The following CUBN variants were observed in gnomAD, a reference collection of about 807,000 sequenced individuals.
CUBN encodes 460 kDa receptor.
Under a neutral mutation model 405.3 loss-of-function variants are expected in CUBN, and 282 were observed. The observed-to-expected ratio is 0.70, with a 90% CI of 0.63 to 0.77. The LOEUF (loss-of-function observed/expected upper bound fraction) is 0.77. Among genes scored for constraint, CUBN ranks in the 30% least tolerant of loss-of-function variants. The pLI is 0.00. For missense variants in CUBN, 4,514 were observed against 4,475.2 expected (o/e 1.01, Z -0.25); for synonymous variants, 1,684 against 1,617.0 (o/e 1.04, Z -0.99).
intron 14 of CUBN, among the ~76,000 whole-genome samples, chr10:17,096,405 T>C (rs904527926): frequency 6.6e-6 from 1 of 152,078 alleles, no homozygotes; most frequent in Non-Finnish European, 1.5e-5. Context: ...ACATCTTAAA[T>C]ATATATAACT....
At chr10:16,937,439 G>A (rs1436858245) in intron 39 of CUBN, among the ~76,000 whole-genome samples, 153 bp downstream of exon 39, 3 of 152,172 alleles carry the variant, frequency 2.0e-5, no homozygotes, top group African/African-American at 7.2e-5. Context: ...AAAAGGTAGT[G>A]TTTATGAATT....
intron 28 of CUBN, among the ~76,000 whole-genome samples, chr10:17,001,728 T>C (rs12242966): frequency 0.016 from 2,427 of 152,308 alleles, 61 homozygotes; most frequent in African/African-American, 0.055. Flanking sequence ...CATGGCAAGA[T>C]AGTTTATTTT....
chr10:17,044,147 T>C (rs559758631), intron 25 of CUBN, among the ~76,000 whole-genome samples, 164 bp from the exon 26 acceptor site: 10 of 146,890 alleles, frequency 6.8e-5, no homozygotes, highest in African/African-American at 2.5e-4. Context: ...ATATTCATTA[T>C]ATATAATATA....
chr10:16,973,287 C>T (rs1040035343), intron 31 of CUBN, among the ~76,000 whole-genome samples: 1 of 152,168 alleles, frequency 6.6e-6, no homozygotes, highest in Non-Finnish European at 1.5e-5. Flanking sequence ...ACTTAAATGT[C>T]GCCTCCAGTG....
chr10:16,908,754 G>C (rs1336961381), intron 48 of CUBN, among the ~76,000 whole-genome samples: 1 of 152,018 alleles, frequency 6.6e-6, no homozygotes, highest in East Asian at 1.9e-4. Flanking sequence ...TGATTGAATG[G>C]TTGATATTCC....
chr10:17,071,357 A>T, intron 19 of CUBN, 69 bp downstream of exon 19: 1 of 1,491,552 alleles, frequency 6.7e-7, no homozygotes, highest in Non-Finnish European at 9.2e-7. Flanking sequence ...ACAGATTTGA[A>T]GACAACAACC....
At chr10:17,035,168 C>G (rs141298561) in intron 27 of CUBN, among the ~76,000 whole-genome samples, 1 of 151,442 alleles carries the variant, frequency 6.6e-6, no homozygotes, top group Non-Finnish European at 1.5e-5. Context: ...TAAATTCTCA[C>G]TACAAAATCA....
chr10:17,022,539 G>T (rs1218406155), intron 27 of CUBN, among the ~76,000 whole-genome samples: 1 of 152,148 alleles, frequency 6.6e-6, no homozygotes, highest in Non-Finnish European at 1.5e-5. Flanking sequence ...AGAAAATGAA[G>T]AGGGAAACGA....
intron 15 of CUBN, among the ~76,000 whole-genome samples, chr10:17,087,113 A>G (rs1836126422): frequency 6.7e-6 from 1 of 148,378 alleles, no homozygotes; most frequent in African/African-American, 2.4e-5. Context: ...ACATCCTTCT[A>G]TCCTTTATGA....
chr10:16,924,369 C>T (rs1056360302), intron 43 of CUBN, among the ~76,000 whole-genome samples: 1 of 152,146 alleles, frequency 6.6e-6, no homozygotes, highest in Non-Finnish European at 1.5e-5. Context: ...CCCTGGTGTT[C>T]TGGACCTTAC....
At chr10:16,997,034 T>C (rs897396557) in intron 28 of CUBN, among the ~76,000 whole-genome samples, 1 of 151,478 alleles carries the variant, frequency 6.6e-6, no homozygotes, top group Non-Finnish European at 1.5e-5. Context: ...GCTCAATTTA[T>C]ATTTTAATAG....
intron 28 of CUBN, among the ~76,000 whole-genome samples, chr10:16,992,370 C>T (rs951700796): frequency 2.6e-4 from 39 of 152,114 alleles, no homozygotes; most frequent in Admixed American, 1.1e-3. Context: ...TGCACATGTA[C>T]CCTAGAACTT....
At chr10:17,064,731 G>T (rs755083900) in intron 22 of CUBN, among the ~76,000 whole-genome samples, 5 of 152,070 alleles carry the variant, frequency 3.3e-5, no homozygotes, top group Non-Finnish European at 7.4e-5. Context: ...GAGCATCTCT[G>T]GTTCACATCT....
intron 22 of CUBN, among the ~76,000 whole-genome samples, chr10:17,052,759 C>CAAAAAAAAAA (rs10574636): frequency 1.8e-5 from 1 of 55,086 alleles, no homozygotes; most frequent in Non-Finnish European, 3.2e-5. Context: ...GACTCAGTCT[C>CAAAAAAAAAA]AAAAAAAAAA....
chr10:16,895,364 TATAC>T (rs888823270), intron 54 of CUBN, among the ~76,000 whole-genome samples: 134 of 141,488 alleles, frequency 9.5e-4, no homozygotes, highest in African/African-American at 3.9e-3. Context: ...CACACATATA[TATAC>T]ACACACACAC....
At chr10:16,882,921 T>C (rs780833) in intron 56 of CUBN, among the ~76,000 whole-genome samples, 107,909 of 151,744 alleles carry the variant, frequency 0.71, 38,725 homozygotes, top group East Asian at 0.84. Context: ...GGCTGAGCCA[T>C]GAGAATTGCT....
At chr10:17,097,841 T>C (rs1836408107) in intron 14 of CUBN, among the ~76,000 whole-genome samples, 1 of 152,180 alleles carries the variant, frequency 6.6e-6, no homozygotes, top group Non-Finnish European at 1.5e-5. Context: ...TTTAAAATTC[T>C]TGGTAACTAG....
intron 18 of CUBN, 85 bp downstream of exon 18, chr10:17,071,739 TGAG>T: frequency 6.6e-7 from 1 of 1,514,850 alleles, no homozygotes; most frequent in Middle Eastern, 1.8e-4. Flanking sequence ...ACTTAACACT[TGAG>T]GACATAAAAT....
At chr10:16,972,584 T>C (rs1056662331) in intron 31 of CUBN, among the ~76,000 whole-genome samples, 3 of 152,040 alleles carry the variant, frequency 2.0e-5, no homozygotes, top group African/African-American at 7.2e-5. Context: ...AATACAGGTA[T>C]GTGCCACTTG....
Sources: gnomAD v4.1 joint callset for allele counts (sites outside exome capture counted in the v4.1 genomes callset) on GRCh38, gnomAD v4.1.1 for gene constraint, MANE v1.5 for transcripts, NCBI Gene and HGNC (gene_info 2026-07-23, HGNC 2026-07-21) for gene names.